PREX2: variants seen among roughly 807,000 people sequenced by gnomAD.
PREX2 encodes the protein phosphatidylinositol-3,4,5-trisphosphate dependent Rac exchange factor 2, also known as phosphatidylinositol 3,4,5-trisphosphate-dependent Rac exchanger 2 protein.
In PREX2, 107 loss-of-function variants were observed where a neutral mutation model predicts 203.2. That is an observed-to-expected ratio of 0.53 (90% CI 0.45 to 0.62). PREX2 has a LOEUF of 0.62. PREX2 is among the 20% of genes least tolerant of loss of function. The probability of loss-of-function intolerance (pLI) is 0.00; values close to 1 mark genes in which losing one functional copy is unlikely to be tolerated. For missense variants in PREX2, 1,777 were observed against 1,955.9 expected (o/e 0.91, Z 1.72); for synonymous variants, 672 against 663.6 (o/e 1.01, Z -0.19).
At chr8:68,039,665 C>T (rs530946528) in intron 7 of PREX2, among the ~76,000 whole-genome samples, 1 of 152,292 alleles carries the variant, frequency 6.6e-6, no homozygotes, top group South Asian at 2.1e-4. Context: ...CCTAAAGTCA[C>T]TCCTCTCCCA....
intron 38 of PREX2, chr8:68,223,332 G>A (rs1039314712): frequency 1.3e-5 from 2 of 152,180 alleles, no homozygotes; most frequent in Non-Finnish European, 2.9e-5. Context: ...GACTGGTTAA[G>A]TGCAGTGGTG....
chr8:67,999,478 C>CCAACAAACAAAAAAA (rs1806872424), intron 1 of PREX2, among the ~76,000 whole-genome samples: 1 of 92,102 alleles, frequency 1.1e-5, no homozygotes, highest in Non-Finnish European at 2.1e-5. Context: ...GCCAACAAAC[C>CCAACAAACAAAAAAA]AAAAAAAAAA....
Position 68,234,159 on chromosome 8 carries a change from A to T in PREX2, c.*2781A>T, listed in dbSNP as rs907130801. ...ATAATTCCAACACAGTGGTAAGAGT[A>T]AAAAACATACCTAATGGATGAATGA... On this transcript the variant is annotated 3_prime_UTR_variant, in exon 40 of 40. Coordinates refer to ENST00000288368, the MANE Select transcript of PREX2 (RefSeq NM_024870.4). 6.6e-6 allele frequency: 1 copy of T among 152,214 alleles called. No individual in the cohort carries two copies. The highest frequency in any genetic ancestry group is 1.5e-5 in the Non-Finnish European group (1 of 68,026). The allele number at this position is 152,214 out of a possible 1,614,324, so 9.4% of individuals were successfully genotyped here. A position where few individuals can be genotyped will look rare whatever the true frequency, so the allele number is the denominator to read the frequency against.
chr8:68,048,818 G>T (rs192235368), intron 8 of PREX2, among the ~76,000 whole-genome samples: 2 of 151,650 alleles, frequency 1.3e-5, no homozygotes, highest in Non-Finnish European at 2.9e-5. Flanking sequence ...CTCAATGATC[G>T]TCATCTTTAT....
Position 67,952,403 on chromosome 8 carries a change from G to C in PREX2, c.9G>C (p.Glu3Asp). Residue 3 changes from glutamate (E) to aspartate (D), a missense_variant, in exon 1 of 40, where the codon GAG becomes GAC. Physicochemically the swap from Glu to Asp is conservative, Grantham distance 45. Coordinates refer to ENST00000288368, the MANE Select transcript of PREX2 (RefSeq NM_024870.4). MS[E>D]DSRGDSRAES... ...GCGCACCGCCGCCGACCATGAGCGAGGACAGCCGCGGAGACAGCCGCGCCG... is the reference window on the plus strand; with the variant it reads ...GCGCACCGCCGCCGACCATGAGCGACGACAGCCGCGGAGACAGCCGCGCCG... 6.4e-7 allele frequency: 1 copy of C among 1,555,598 alleles called. No individual in the cohort carries two copies. Among genetic ancestry groups the C allele is most frequent in the Non-Finnish European group, 8.7e-7 (1 of 1,151,730 alleles).
intron 23 of PREX2, chr8:68,100,316 T>A: frequency 2.5e-6 from 1 of 402,704 alleles, no homozygotes; most frequent in Non-Finnish European, 4.8e-6. Flanking sequence ...CCAAGTACTG[T>A]TCTAGGTTCC....
At chr8:68,223,590 G>A (rs553720987) in intron 38 of PREX2, among the ~76,000 whole-genome samples, 2 of 151,958 alleles carry the variant, frequency 1.3e-5, no homozygotes, top group South Asian at 4.2e-4. Context: ...AGTAGCTGGA[G>A]AGAGAGTTTC....
At chr8:68,061,107 G>A (rs780428242) in intron 11 of PREX2, among the ~76,000 whole-genome samples, 2 of 152,186 alleles carry the variant, frequency 1.3e-5, no homozygotes, top group Non-Finnish European at 2.9e-5. Context: ...AAGTGATGCT[G>A]GGCATTGCAG....
intron 10 of PREX2, among the ~76,000 whole-genome samples, chr8:68,059,703 G>A (rs1808786917): frequency 6.6e-6 from 1 of 152,264 alleles, no homozygotes. Flanking sequence ...TCAAGGTGCT[G>A]GCCAGACGGG....
chr8:68,026,102 G>A (rs978382815), intron 4 of PREX2, among the ~76,000 whole-genome samples: 2 of 152,130 alleles, frequency 1.3e-5, no homozygotes, highest in Admixed American at 1.3e-4. Flanking sequence ...GCAGTAGGGA[G>A]TGAAACCCCC....
chr8:68,093,806 G>A (rs887509491), intron 21 of PREX2, 84 bp downstream of exon 21: 23 of 632,762 alleles, frequency 3.6e-5, no homozygotes, highest in Admixed American at 1.6e-4. Context: ...TGAAGGTCCT[G>A]TACATGTTGA....
At chr8:68,212,684 A>G (rs1175372640) in intron 37 of PREX2, among the ~76,000 whole-genome samples, 1 of 152,228 alleles carries the variant, frequency 6.6e-6, no homozygotes, top group Non-Finnish European at 1.5e-5. Context: ...TCTTCAAATT[A>G]TAACAACTTT....
chr8:68,057,220 C>T (rs528659727), intron 10 of PREX2, among the ~76,000 whole-genome samples: 6 of 152,170 alleles, frequency 3.9e-5, no homozygotes, highest in South Asian at 2.1e-4. Context: ...CACCTGCTGC[C>T]GTGTAAGGTG....
chr8:68,125,233 C>T (rs889525204), intron 30 of PREX2, among the ~76,000 whole-genome samples: 2 of 152,078 alleles, frequency 1.3e-5, no homozygotes, highest in Non-Finnish European at 2.9e-5. Context: ...CATTTTCATT[C>T]TACTTCCTAG....
intron 33 of PREX2, among the ~76,000 whole-genome samples, chr8:68,143,039 C>CA (rs1563563662): frequency 6.6e-6 from 1 of 152,104 alleles, no homozygotes; most frequent in African/African-American, 2.4e-5. Flanking sequence ...TCCCTTATAA[C>CA]AAATGATAAG....
intron 25 of PREX2, chr8:68,110,829 C>A (rs1810519503): frequency 7.3e-6 from 2 of 273,900 alleles, no homozygotes; most frequent in Admixed American, 4.8e-5. Flanking sequence ...ATTTACTTTG[C>A]TAATTTTCTG....
intron 35 of PREX2, chr8:68,177,129 A>C (rs1229606797): frequency 6.6e-6 from 1 of 152,610 alleles, no homozygotes; most frequent in Admixed American, 6.5e-5. Context: ...GGAACTTTTT[A>C]TGCAATGTGT....
At chr8:68,099,142 A>G (rs972598646) in intron 22 of PREX2, among the ~76,000 whole-genome samples, 1 of 151,952 alleles carries the variant, frequency 6.6e-6, no homozygotes, top group Non-Finnish European at 1.5e-5. Context: ...AAGAGCTCAG[A>G]TGCTGCAAGT....
At chr8:68,005,602 G>A (rs1807072218) in intron 1 of PREX2, among the ~76,000 whole-genome samples, 1 of 152,034 alleles carries the variant, frequency 6.6e-6, no homozygotes, top group African/African-American at 2.4e-5. Context: ...TCCAATTGTT[G>A]GTGCATTTGT....
Sources: allele counts gnomAD v4.1 joint callset (sites outside exome capture counted in the v4.1 genomes callset), GRCh38; gene constraint gnomAD v4.1.1; transcripts MANE v1.5; gene names NCBI Gene and HGNC (gene_info 2026-07-23, HGNC 2026-07-21).